AASDH: variants seen among roughly 807,000 people sequenced by gnomAD.
AASDH encodes beta-alanine-activating enzyme.
A neutral mutation model predicts 102.3 loss-of-function variants in AASDH; 81 were observed. The ratio of observed to expected loss-of-function variants is 0.79; its 90% CI spans 0.66 to 0.95. The LOEUF is 0.95. AASDH is among the 40% of genes least tolerant of loss of function. The pLI is 0.00. For missense variants in AASDH, 1,203 were observed against 1,266.2 expected, an observed-to-expected ratio of 0.95 and a Z score of 0.76; for synonymous variants, 398 against 454.0, an observed-to-expected ratio of 0.88 and a Z score of 1.57.
In AASDH at chr4:56,382,548, G is replaced by A. The variant is rs145859029; in HGVS notation, c.280C>T (p.Pro94Ser). The change falls in exon 3 of 15, where the codon CCG becomes TCG. Residue 94 changes from proline to serine, a missense_variant. Transcript: ENST00000205214. ...AYVPIEPDSP[P>S]SLSTHFMKKC... Reference sequence around the variant, plus strand: ...TTCATAAAATGAGTTGATAATGACGGTGGTGAATCTGGCTCGATAGGTACA... The same window carrying A: ...TTCATAAAATGAGTTGATAATGACGATGGTGAATCTGGCTCGATAGGTACA... 423 of 1,610,574 alleles carry A rather than the reference G, an allele frequency of 2.6e-4. No homozygotes were observed. The highest frequency in any genetic ancestry group is 1.4e-3 in the Admixed American group (84 of 59,750).
intron 5 of AASDH, among the ~76,000 whole-genome samples, chr4:56,370,160 T>A (rs7656791): frequency 0.012 from 1,755 of 151,340 alleles, 33 homozygotes; most frequent in African/African-American, 0.038. Context: ...AGGCCAGGAG[T>A]GAGACTGGCC....
chr4:56,353,692 A>C, intron 8 of AASDH, 96 bp from the exon 9 acceptor site: 1 of 1,174,392 alleles, frequency 8.5e-7, no homozygotes, highest in Non-Finnish European at 1.2e-6. Context: ...AAACAGCTGA[A>C]TTAAATTTTG....
At chr4:56,369,052 T>C (rs1284345916) in intron 5 of AASDH, among the ~76,000 whole-genome samples, 1 of 152,188 alleles carries the variant, frequency 6.6e-6, no homozygotes, top group African/African-American at 2.4e-5. Flanking sequence ...TGTGATCTGC[T>C]GATGACATTC....
intron 8 of AASDH, 94 bp from the exon 9 acceptor site, chr4:56,353,690 G>T: frequency 8.4e-7 from 1 of 1,195,076 alleles, no homozygotes; most frequent in Non-Finnish European, 1.2e-6. Context: ...CAAAACAGCT[G>T]AATTAAATTT....
At chr4:56,350,555 T>C (rs1748885547) in intron 10 of AASDH, among the ~76,000 whole-genome samples, 1 of 151,988 alleles carries the variant, frequency 6.6e-6, no homozygotes, top group South Asian at 2.1e-4. Context: ...GAGATCACTG[T>C]ACTACCAATT....
At chr4:56,387,005 C>CT (rs1753645238) in intron 1 of AASDH, among the ~76,000 whole-genome samples, 1 of 152,094 alleles carries the variant, frequency 6.6e-6, no homozygotes. Flanking sequence ...AATCTAGAAA[C>CT]TTTATTTTCC....
intron 1 of AASDH, among the ~76,000 whole-genome samples, chr4:56,384,815 T>C (rs1753366184): frequency 6.6e-6 from 1 of 152,238 alleles, no homozygotes; most frequent in Admixed American, 6.5e-5. Context: ...GGCTCACACC[T>C]GTAATCCCAG....
Position 56,349,255 on chromosome 4 carries a change from A to G in AASDH, c.2488+8T>C. 6.2e-7 allele frequency: 1 copy of G among 1,612,630 alleles called. No individual in the cohort carries two copies. The highest frequency in any genetic ancestry group is 8.5e-7 in the Non-Finnish European group (1 of 1,179,296). ...TTAACTCCACAAACCTCAAATTCAA[A>G]AACTTACCCACCACAATAAAGTTTC... On this transcript the variant is annotated splice_region_variant and intron_variant, in intron 11 of 14. Coordinates refer to ENST00000205214, the MANE Select transcript of AASDH (RefSeq NM_181806.4).
intron 3 of AASDH, among the ~76,000 whole-genome samples, 189 bp from the exon 4 acceptor site, chr4:56,378,653 A>G (rs11724302): frequency 0.62 from 94,171 of 152,004 alleles, 29,283 homozygotes; most frequent in Admixed American, 0.71. Flanking sequence ...TTGCATATAA[A>G]CCATGCACAT....
chr4:56,352,538 C>T (rs13122422), intron 9 of AASDH, among the ~76,000 whole-genome samples: 54,441 of 151,976 alleles, frequency 0.36, 10,263 homozygotes, highest in Non-Finnish European at 0.43. Flanking sequence ...GGACTACAGG[C>T]GTGCACCACT....
Position 56,383,975 on chromosome 4 carries a change from C to A in AASDH, c.230+95G>T. On this transcript the variant is annotated intron_variant, in intron 2 of 14. Coordinates refer to ENST00000205214, the MANE Select transcript of AASDH (RefSeq NM_181806.4). ...AATTGACCAAACAATATAGAAAAGT[C>A]CAATAGTAAACAGAACAATAACTTG... 6 of 1,051,826 alleles carry A rather than the reference C, an allele frequency of 5.7e-6. 1 individual carries two copies. 65.2% of individuals were successfully genotyped at this position (1,051,826 alleles called of 1,614,324 possible).
intron 5 of AASDH, among the ~76,000 whole-genome samples, chr4:56,359,842 C>T (rs1410676208): frequency 6.8e-6 from 1 of 146,654 alleles, no homozygotes; most frequent in Non-Finnish European, 1.5e-5. Flanking sequence ...CAGGTGTGAG[C>T]CACCGTGCCC....
chr4:56,358,206 C>T (rs1019531123), intron 5 of AASDH, among the ~76,000 whole-genome samples: 2 of 151,866 alleles, frequency 1.3e-5, no homozygotes, highest in Non-Finnish European at 2.9e-5. Context: ...TATCCTCCAA[C>T]CTGACTAAAC....
At position 56,351,442 on chromosome 4, in the gene AASDH, G is replaced by GA; in HGVS notation, c.1591dup (p.Ser531PhefsTer2). The GA allele has an allele frequency of 6.4e-7, 1 of 1,562,936 alleles. No homozygotes were observed. ...GTTTAAATATATCTTGTTTAACTCA[G>GA]AAACATCAATTTTGCCTTAATATAA... On this transcript the variant is annotated frameshift_variant, in exon 10 of 15. Transcript: ENST00000205214. LOFTEE classifies it high-confidence loss of function.
Position 56,349,833 on chromosome 4 carries a change from TC to T in AASDH, c.1917del (p.Lys640ArgfsTer28), listed in dbSNP as rs1301106713. The T allele has an allele frequency of 6.2e-7, 1 of 1,614,162 alleles. No homozygotes were observed. Among genetic ancestry groups the T allele is most frequent in the Admixed American group, 1.7e-5 (1 of 60,020 alleles). On this transcript the variant is annotated frameshift_variant, in exon 11 of 15. Coordinates refer to ENST00000205214, the MANE Select transcript of AASDH (RefSeq NM_181806.4). LOFTEE classifies it high-confidence loss of function. The part of the protein sequence containing the change: ...TVVPDEDVTF[R>X]KSCATKRKLS... ...AGTTTCCTTTTTGTGGCACAACTCT[TC>T]CTGAATGTCACATCTTCATCTGGAA...
chr4:56,369,380 AAC>A (rs1205308164), intron 5 of AASDH, among the ~76,000 whole-genome samples: 4 of 152,302 alleles, frequency 2.6e-5, no homozygotes, highest in Admixed American at 2.6e-4. Flanking sequence ...AGGTAAATAA[AAC>A]AGTTATAGTA....
intron 3 of AASDH, among the ~76,000 whole-genome samples, chr4:56,379,985 A>G (rs1017802774): frequency 1.3e-5 from 2 of 152,192 alleles, no homozygotes; most frequent in Non-Finnish European, 2.9e-5. Flanking sequence ...ACAGGATCCA[A>G]TTGAAGGTGG....
chr4:56,384,949 C>G (rs1481643320), intron 1 of AASDH, among the ~76,000 whole-genome samples: 1 of 152,106 alleles, frequency 6.6e-6, no homozygotes, highest in Non-Finnish European at 1.5e-5. Flanking sequence ...TGGCATACAC[C>G]TGTAATCCCA....
intron 1 of AASDH, among the ~76,000 whole-genome samples, chr4:56,385,315 T>C (rs902932418): frequency 6.6e-6 from 1 of 152,220 alleles, no homozygotes; most frequent in Non-Finnish European, 1.5e-5. Flanking sequence ...AAGTAAACTC[T>C]TCATACTGTA....
Sources: gnomAD v4.1 joint callset for allele counts (sites outside exome capture counted in the v4.1 genomes callset) on GRCh38, gnomAD v4.1.1 for gene constraint, MANE v1.5 for transcripts, NCBI Gene and HGNC (gene_info 2026-07-23, HGNC 2026-07-21) for gene names.